Variants in NEK6 observed in about 807,000 individuals in gnomAD.
The protein encoded by NEK6 is NIMA related kinase 6.
NEK6 carries 27 observed loss-of-function variants against 43.5 expected under a neutral mutation model. That is an observed-to-expected ratio of 0.62 (90% CI 0.46 to 0.86). NEK6 has a LOEUF of 0.86. NEK6 is among the 40% of genes least tolerant of loss of function. The probability of loss-of-function intolerance (pLI) is 0.00; values close to 1 mark genes in which losing one functional copy is unlikely to be tolerated. For missense variants in NEK6, 318 were observed against 414.4 expected, an observed-to-expected ratio of 0.77 and a Z score of 2.02; for synonymous variants, 167 against 164.1, an observed-to-expected ratio of 1.02 and a Z score of -0.14.
intron 9 of NEK6, among the ~76,000 whole-genome samples, chr9:124,349,929 C>T (rs1049246621): frequency 6.6e-6 from 1 of 152,226 alleles, no homozygotes; most frequent in African/African-American, 2.4e-5. Flanking sequence ...GAAAATGCCC[C>T]ATCAGCTGAG....
intron 2 of NEK6, among the ~76,000 whole-genome samples, chr9:124,304,503 A>C (rs1245138007): frequency 6.6e-6 from 1 of 152,228 alleles, no homozygotes; most frequent in Admixed American, 6.5e-5. Context: ...CGCTTCCCTC[A>C]TGAGGCGGCT....
At chr9:124,292,961 C>G in intron 1 of NEK6, 1 of 1,572,800 alleles carries the variant, frequency 6.4e-7, no homozygotes, top group Non-Finnish European at 8.6e-7. Context: ...GAGAAGTTTG[C>G]TGGGAGGCAG....
At chr9:124,349,859 T>G (rs571214286) in intron 9 of NEK6, among the ~76,000 whole-genome samples, 1 of 152,296 alleles carries the variant, frequency 6.6e-6, no homozygotes, top group South Asian at 2.1e-4. Context: ...CCTGGGCTTC[T>G]CGGTTGTAAG....
chr9:124,264,227 G>A (rs10986295), intron 1 of NEK6, among the ~76,000 whole-genome samples: 2,076 of 152,322 alleles, frequency 0.014, 52 homozygotes, highest in South Asian at 0.1. Context: ...AGTGGCTATC[G>A]CTCTGGGGCG....
chr9:124,311,312 C>T (rs1327627018), intron 2 of NEK6, among the ~76,000 whole-genome samples: 4 of 152,300 alleles, frequency 2.6e-5, no homozygotes, highest in Admixed American at 6.5e-5. Flanking sequence ...TCACTAGGGG[C>T]GGTGGCATGG....
In NEK6 at chr9:124,321,507, G is replaced by T; in HGVS notation, c.343G>T (p.Asp115Tyr). ...IIKYLDSFIE[D>Y]NELNIVLELA... ...CAAGTATTTGGACTCGTTTATCGAA[G>T]ACAACGAGCTGAACATTGTGCTGGA... Residue 115 changes from aspartate (D) to tyrosine (Y), a missense_variant, in exon 5 of 10, where the codon GAC becomes TAC. Around this residue, in one of 2 missense-constraint regions of NEK6, gnomAD observed 239 missense variants for 344.4 expected, o/e 0.69. Coordinates refer to ENST00000320246, the MANE Select transcript of NEK6 (RefSeq NM_014397.6). 1 of 1,614,112 alleles carries T rather than the reference G, an allele frequency of 6.2e-7. No homozygotes were observed. The highest frequency in any genetic ancestry group is 8.5e-7 in the Non-Finnish European group (1 of 1,179,956).
In NEK6 at chr9:124,317,755, T is replaced by G. The variant is rs557177203; in HGVS notation, c.295-3704T>G. ...GTGTACCCAGGATTTAGCTCCCACT[T>G]ATAAAAGTGAGAACATGCAGTATAG... On this transcript the variant is annotated intron_variant, in intron 4 of 9. Transcript: ENST00000320246. 2.0e-5 allele frequency among the ~76,000 whole-genome samples: 3 copies of G among 152,322 alleles called. No homozygotes were observed. In the South Asian group the frequency reaches 6.2e-4, roughly 32 times the overall value.
chr9:124,285,291 C>T (rs909127441), intron 1 of NEK6, among the ~76,000 whole-genome samples: 1 of 152,240 alleles, frequency 6.6e-6, no homozygotes, highest in East Asian at 1.9e-4. Context: ...TTGGTAGCAC[C>T]GTTTCCACAG....
At chr9:124,258,748 A>G (rs1359407925) in intron 1 of NEK6, among the ~76,000 whole-genome samples, 1 of 152,222 alleles carries the variant, frequency 6.6e-6, no homozygotes, top group Non-Finnish European at 1.5e-5. Context: ...ACCAGGGGCC[A>G]GGAGGGCAGA....
intron 8 of NEK6, among the ~76,000 whole-genome samples, chr9:124,341,644 G>C (rs1423040247): frequency 1.3e-5 from 2 of 152,190 alleles, no homozygotes; most frequent in African/African-American, 4.8e-5. Context: ...GCAGGTGAAA[G>C]GGGGACGAGC....
chr9:124,335,702 C>G (rs1054444279), intron 7 of NEK6, among the ~76,000 whole-genome samples: 1 of 152,214 alleles, frequency 6.6e-6, no homozygotes, highest in African/African-American at 2.4e-5. Context: ...TACTGGGATG[C>G]GGCAACAAAC....
At chr9:124,294,344 G>A (rs1320505637) in intron 1 of NEK6, among the ~76,000 whole-genome samples, 1 of 152,192 alleles carries the variant, frequency 6.6e-6, no homozygotes, top group Non-Finnish European at 1.5e-5. Flanking sequence ...CTTGTGCTAA[G>A]TTTCTTTCTG....
intron 1 of NEK6, among the ~76,000 whole-genome samples, chr9:124,280,674 G>A (rs981813252): frequency 6.6e-6 from 1 of 152,218 alleles, no homozygotes; most frequent in African/African-American, 2.4e-5. Context: ...CCAGGCATCT[G>A]GCACCTCGCT....
chr9:124,345,771 G>C (rs1564664961), intron 8 of NEK6, among the ~76,000 whole-genome samples: 1 of 152,228 alleles, frequency 6.6e-6, no homozygotes, highest in Non-Finnish European at 1.5e-5. Context: ...GGGGCACCCA[G>C]ATCACCCCAG....
chr9:124,348,994 G>C (rs564609827), intron 9 of NEK6, among the ~76,000 whole-genome samples: 34 of 152,376 alleles, frequency 2.2e-4, no homozygotes, highest in Middle Eastern at 6.8e-3. Flanking sequence ...TAGCTGGGGT[G>C]AGGCTCTGGA....
At chr9:124,348,453 T>C (rs1458479923) in intron 9 of NEK6, among the ~76,000 whole-genome samples, 2 of 152,132 alleles carry the variant, frequency 1.3e-5, no homozygotes, top group Non-Finnish European at 2.9e-5. Context: ...TGGTGGATAA[T>C]GGTGAGGAAG....
chr9:124,257,772 C>T (rs1275982324), upstream of NEK6: 19 of 1,478,056 alleles, frequency 1.3e-5, no homozygotes, highest in African/African-American at 7.1e-5. Flanking sequence ...AGGGGTTCCT[C>T]GGCCGAGCGG....
At chr9:124,261,901 C>T (rs1481807829) in intron 1 of NEK6, among the ~76,000 whole-genome samples, 2 of 151,970 alleles carry the variant, frequency 1.3e-5, no homozygotes, top group East Asian at 1.9e-4. Context: ...ATTTTTCTCC[C>T]GTCTGGCCTG....
chr9:124,326,317 TC>T lies in NEK6; in HGVS notation c.406-8del. ...ACCCGGGCCTATCCCTCTGCTTGTC[TC>T]CCCCACTGCAGTACTTTAAGAAGCA... On this transcript the variant is annotated splice_polypyrimidine_tract_variant and intron_variant, in intron 5 of 9. Transcript: ENST00000320246. The surrounding 1 kb of genome is among the most constrained non-coding windows in gnomAD (Gnocchi z 4.5). The T allele has an allele frequency of 4.4e-6, 7 of 1,582,034 alleles. No individual in the cohort carries two copies. Among genetic ancestry groups the T allele is most frequent in the Non-Finnish European group, 6.0e-6 (7 of 1,159,446 alleles).
Sources: allele counts gnomAD v4.1 joint callset (sites outside exome capture counted in the v4.1 genomes callset), GRCh38; gene constraint gnomAD v4.1.1; regional missense constraint gnomAD v4.1.1; non-coding constraint Gnocchi (gnomAD v3.1); transcripts MANE v1.5; gene names NCBI Gene and HGNC (gene_info 2026-07-23, HGNC 2026-07-21).